SLC30A8: variants seen among roughly 807,000 people sequenced by gnomAD.
SLC30A8 encodes proton-coupled zinc antiporter SLC30A8.
A neutral mutation model predicts 36.9 loss-of-function variants in SLC30A8; 27 were observed. The ratio of observed to expected loss-of-function variants is 0.73; its 90% CI spans 0.54 to 1.01. SLC30A8 has a LOEUF of 1.01. SLC30A8 is among the 50% of genes least tolerant of loss of function. The probability of loss-of-function intolerance (pLI) is 0.00; values close to 1 mark genes in which losing one functional copy is unlikely to be tolerated. For missense variants in SLC30A8, 439 were observed against 452.0 expected, an observed-to-expected ratio of 0.97 and a Z score of 0.26; for synonymous variants, 164 against 172.4, an observed-to-expected ratio of 0.95 and a Z score of 0.38.
intron 2 of SLC30A8, among the ~76,000 whole-genome samples, chr8:117,099,633 G>T (rs572487551): frequency 6.6e-6 from 1 of 152,240 alleles, no homozygotes; most frequent in South Asian, 2.1e-4. Context: ...ATAGACAGGG[G>T]CCTGTAGGAG....
At chr8:117,081,594 A>G (rs1481133003) in intron 2 of SLC30A8, among the ~76,000 whole-genome samples, 3 of 152,164 alleles carry the variant, frequency 2.0e-5, no homozygotes, top group Non-Finnish European at 4.4e-5. Flanking sequence ...TCAGTCCCTA[A>G]TAAAGGGATA....
At chr8:116,992,454 T>C (rs953078046) in intron 1 of SLC30A8, among the ~76,000 whole-genome samples, 3 of 152,076 alleles carry the variant, frequency 2.0e-5, no homozygotes, top group Non-Finnish European at 4.4e-5. Context: ...TAAATTGTCA[T>C]GGGTTTTGTC....
chr8:117,127,142 T>A (rs892114172), intron 2 of SLC30A8, among the ~76,000 whole-genome samples: 2 of 152,066 alleles, frequency 1.3e-5, no homozygotes, highest in Non-Finnish European at 2.9e-5. Flanking sequence ...GGTATATAAA[T>A]GTATTCATTT....
intron 1 of SLC30A8, among the ~76,000 whole-genome samples, chr8:116,951,535 T>C (rs1057054889): frequency 6.6e-6 from 1 of 152,068 alleles, no homozygotes; most frequent in East Asian, 2.0e-4. Context: ...AGCACTCAAG[T>C]TTCCCCTATG....
upstream of SLC30A8, chr8:116,950,842 C>A (rs1813970571): frequency 6.6e-6 from 1 of 152,202 alleles, no homozygotes; most frequent in Admixed American, 6.5e-5. Context: ...AGGTACCTTA[C>A]AGTTTACCAA....
rs528834637 is a variant in SLC30A8 at position 117,007,678 on chromosome 8, C to T, written c.-265-31541C>T. Among the ~76,000 whole-genome samples, 4 of 152,284 alleles carry T rather than the reference C, an allele frequency of 2.6e-5. No individual in the cohort carries two copies. The East Asian group carries it at 7.7e-4, about 29-fold the overall frequency. On this transcript the variant is annotated intron_variant, in intron 1 of 10. Transcript: ENST00000427715. Reference sequence around the variant, plus strand: ...TGCATACCTTATCTCATTTGACCCTCACAACAACTCTGCTGGATACCTATC... The same window carrying T: ...TGCATACCTTATCTCATTTGACCCTTACAACAACTCTGCTGGATACCTATC...
intron 2 of SLC30A8, among the ~76,000 whole-genome samples, chr8:117,057,235 T>C (rs1429154172): frequency 1.3e-5 from 2 of 152,184 alleles, no homozygotes; most frequent in African/African-American, 4.8e-5. Flanking sequence ...AAAATACTTA[T>C]TACTTATTTT....
intron 2 of SLC30A8, among the ~76,000 whole-genome samples, chr8:117,076,647 G>T (rs900417441): frequency 1.3e-5 from 2 of 152,140 alleles, no homozygotes; most frequent in African/African-American, 2.4e-5. Context: ...CAGTTTTTAG[G>T]TTGGGATTCA....
chr8:117,112,846 A>G (rs1279087128), intron 2 of SLC30A8, among the ~76,000 whole-genome samples: 1 of 151,722 alleles, frequency 6.6e-6, no homozygotes, highest in Non-Finnish European at 1.5e-5. Flanking sequence ...GTGTGATCAC[A>G]TGCAGTTTTG....
At chr8:117,105,317 A>G (rs1196731633) in intron 2 of SLC30A8, among the ~76,000 whole-genome samples, 1 of 152,128 alleles carries the variant, frequency 6.6e-6, no homozygotes, top group African/African-American at 2.4e-5. Context: ...GCCTCTATCC[A>G]TTATTCAGTT....
intron 2 of SLC30A8, among the ~76,000 whole-genome samples, chr8:117,097,660 A>T (rs1234987938): frequency 0.014 from 472 of 32,966 alleles, 79 homozygotes; most frequent in African/African-American, 0.028. Flanking sequence ...TAATATATAT[A>T]ATATATAATT....
chr8:117,130,864 A>G (rs111756062), upstream of SLC30A8, among the ~76,000 whole-genome samples: 39 of 152,098 alleles, frequency 2.6e-4, no homozygotes, highest in African/African-American at 8.9e-4. Flanking sequence ...AATTGAAGAA[A>G]TATACACTTC....
chr8:117,031,828 C>T (rs751829937), intron 1 of SLC30A8, among the ~76,000 whole-genome samples: 1 of 152,114 alleles, frequency 6.6e-6, no homozygotes, highest in Non-Finnish European at 1.5e-5. Context: ...GATGCCAATG[C>T]TAAGCTTCTG....
chr8:117,004,542 C>G (rs1816111345), intron 1 of SLC30A8, among the ~76,000 whole-genome samples: 1 of 152,118 alleles, frequency 6.6e-6, no homozygotes, highest in African/African-American at 2.4e-5. Flanking sequence ...TGGACAGACT[C>G]TGACTCCTTC....
At chr8:116,995,239 A>T (rs572958549) in intron 1 of SLC30A8, among the ~76,000 whole-genome samples, 1 of 152,206 alleles carries the variant, frequency 6.6e-6, no homozygotes, top group South Asian at 2.1e-4. Flanking sequence ...CTTTGCTTGA[A>T]AAGTGCTGAA....
chr8:117,153,174 C>A, intron 3 of SLC30A8, 84 bp downstream of exon 3: 1 of 1,386,028 alleles, frequency 7.2e-7, no homozygotes, highest in Non-Finnish European at 9.6e-7. Context: ...CGAAGCAAAG[C>A]CTTGTTGGAA....
intron 2 of SLC30A8, chr8:117,129,988 T>C (rs950016206): frequency 6.6e-6 from 1 of 151,888 alleles, no homozygotes; most frequent in African/African-American, 2.4e-5. Flanking sequence ...GAGTTTAGGG[T>C]TGCAAAAGGT....
At chr8:117,163,796 A>C (rs1218806966) in intron 6 of SLC30A8, among the ~76,000 whole-genome samples, 7 of 152,242 alleles carry the variant, frequency 4.6e-5, no homozygotes, top group Non-Finnish European at 1.0e-4. Flanking sequence ...CGGAGATACT[A>C]CAAAAATATA....
intron 2 of SLC30A8, among the ~76,000 whole-genome samples, chr8:117,116,734 C>T (rs1482492141): frequency 6.6e-6 from 1 of 152,002 alleles, no homozygotes; most frequent in Non-Finnish European, 1.5e-5. Context: ...TTCTCAGGTA[C>T]CCATCACAGT....
Sources: allele counts gnomAD v4.1 joint callset (sites outside exome capture counted in the v4.1 genomes callset), GRCh38; gene constraint gnomAD v4.1.1; transcripts MANE v1.5; gene names NCBI Gene and HGNC (gene_info 2026-07-23, HGNC 2026-07-21).